UACA: variants seen among roughly 807,000 people sequenced by gnomAD.
UACA encodes the protein uveal autoantigen with coiled-coil domains and ankyrin repeats, also known as nuclear membrane binding protein.
In UACA, 112 loss-of-function variants were observed where a neutral mutation model predicts 160.5. The observed-to-expected ratio is 0.70, with a 90% CI of 0.60 to 0.82. The LOEUF is 0.82. UACA is among the 40% of genes least tolerant of loss of function. The pLI, the probability that UACA is intolerant of heterozygous loss-of-function variation, is 0.00. For synonymous variants in UACA, 557 were observed against 568.4 expected (o/e 0.98, Z 0.29); for missense variants, 1,574 against 1,614.6 (o/e 0.97, Z 0.43).
intron 1 of UACA, chr15:70,758,557 C>T (rs2030562647): frequency 6.6e-6 from 1 of 152,114 alleles, no homozygotes; most frequent in Admixed American, 6.5e-5. Context: ...ACACAAAGCC[C>T]TCATTCTCAA....
chr15:70,717,148 G>C (rs936085265), intron 1 of UACA, among the ~76,000 whole-genome samples: 4 of 150,274 alleles, frequency 2.7e-5, no homozygotes, highest in African/African-American at 9.8e-5. Context: ...TTGAACCCAG[G>C]AGGCGGAGGT....
chr15:70,729,967 A>G (rs1899273161), intron 1 of UACA, among the ~76,000 whole-genome samples: 1 of 101,186 alleles, frequency 9.9e-6, no homozygotes, highest in Admixed American at 9.6e-5. Flanking sequence ...ACCAGAAAGG[A>G]CATCTACACC....
At position 70,665,177 on chromosome 15, in the gene UACA, A is replaced by G. The variant is rs962441073; in HGVS notation, c.3961-363T>C. Among the ~76,000 whole-genome samples, 7 of 152,330 alleles carry G rather than the reference A, an allele frequency of 4.6e-5. 1 individual carries two copies. The South Asian group carries it at 6.2e-4, about 14-fold the overall frequency. On this transcript the variant is annotated intron_variant, in intron 16 of 18. Transcript: ENST00000322954. ...GAAGGGAAGGGGGATTCCCAGCAACAAAGTGTGAAAAGTAAAAGGGTGTGG... is the reference window on the plus strand; with the variant it reads ...GAAGGGAAGGGGGATTCCCAGCAACGAAGTGTGAAAAGTAAAAGGGTGTGG...
At chr15:70,744,847 A>G (rs1459119912) in intron 1 of UACA, among the ~76,000 whole-genome samples, 1 of 152,080 alleles carries the variant, frequency 6.6e-6, no homozygotes, top group South Asian at 2.1e-4. Context: ...ACTGGTATTA[A>G]CCAGTAGAAA....
intron 3 of UACA, among the ~76,000 whole-genome samples, chr15:70,694,405 A>AT (rs370190047): frequency 0.014 from 2,128 of 152,208 alleles, 46 homozygotes; most frequent in African/African-American, 0.048. Flanking sequence ...ATAAAAAATG[A>AT]TTTTTTTATA....
chr15:70,753,499 A>G (rs1319531854), intron 1 of UACA, among the ~76,000 whole-genome samples: 2 of 152,198 alleles, frequency 1.3e-5, no homozygotes, highest in African/African-American at 4.8e-5. Context: ...TCAGTTCACA[A>G]TGGTAAGGAC....
chr15:70,665,880 T>C (rs1896886185), intron 16 of UACA, among the ~76,000 whole-genome samples: 1 of 152,186 alleles, frequency 6.6e-6, no homozygotes, highest in African/African-American at 2.4e-5. Context: ...AATCATTACA[T>C]GTTGAATGGA....
chr15:70,692,309 G>A (rs79602540), intron 3 of UACA, among the ~76,000 whole-genome samples: 2,106 of 152,096 alleles, frequency 0.014, 44 homozygotes, highest in African/African-American at 0.048. Context: ...CTATAGGCTC[G>A]TGCCACCATG....
chr15:70,672,098 T>G, intron 13 of UACA, 97 bp from the exon 14 acceptor site: 1 of 1,055,628 alleles, frequency 9.5e-7, no homozygotes, highest in South Asian at 1.9e-5. Flanking sequence ...TCATTAAAAC[T>G]ACATTTTTGA....
Position 70,667,955 on chromosome 15 carries a change from T to G in UACA, c.2729A>C (p.Asn910Thr), listed in dbSNP as rs1227885264. The G allele has an allele frequency of 6.2e-7, 1 of 1,609,094 alleles. No individual in the cohort carries two copies. The highest frequency in any genetic ancestry group is 8.5e-7 in the Non-Finnish European group (1 of 1,178,140). The change falls in exon 16 of 19, where the codon AAC (asparagine) becomes ACC (threonine). Residue 910 changes from asparagine (N) to threonine (T), a missense_variant. Asn to Thr is a moderately conservative substitution (Grantham distance 65). Transcript: ENST00000322954. ...TATTTGGTTCTGAGTGTTTTCCAGGTTTCTTTTTAATATTTCATTCTTATC... is the reference window on the plus strand; with the variant it reads ...TATTTGGTTCTGAGTGTTTTCCAGGGTTCTTTTTAATATTTCATTCTTATC... ...IKDKNEILKRNLENTQNQIKA... is the reference protein window; with the variant it reads ...IKDKNEILKRTLENTQNQIKA...
the UACA span, among the ~76,000 whole-genome samples, chr15:70,776,282 A>G: frequency 2.0e-5 from 3 of 152,214 alleles, no homozygotes; most frequent in Admixed American, 1.3e-4. Context: ...TTATTTATTC[A>G]TTAAATATTT....
intron 1 of UACA, among the ~76,000 whole-genome samples, chr15:70,762,038 CA>C (rs1225277916): frequency 6.6e-6 from 1 of 152,006 alleles, no homozygotes; most frequent in Admixed American, 6.5e-5. Flanking sequence ...ACATTTCTGC[CA>C]GTTACTTTTT....
chr15:70,721,626 T>TAAA (rs67382101), intron 1 of UACA, among the ~76,000 whole-genome samples: 2 of 141,342 alleles, frequency 1.4e-5, no homozygotes, highest in Non-Finnish European at 1.6e-5. Context: ...GACTCCATCT[T>TAAA]AAAAAAAAAA....
chr15:70,769,774 A>G, the UACA span, among the ~76,000 whole-genome samples: 1 of 152,126 alleles, frequency 6.6e-6, no homozygotes, highest in East Asian at 1.9e-4. Context: ...TGTCAGGTGG[A>G]TCATATGAGA....
At chr15:70,700,318 TACACAC>T (rs34361847) in intron 1 of UACA, among the ~76,000 whole-genome samples, 1 of 139,760 alleles carries the variant, frequency 7.2e-6, no homozygotes, top group African/African-American at 2.9e-5. Context: ...TATATATATA[TACACAC>T]ACACACACAC....
intron 15 of UACA, among the ~76,000 whole-genome samples, chr15:70,670,036 G>A (rs1004749284): frequency 1.3e-5 from 2 of 152,132 alleles, no homozygotes; most frequent in Non-Finnish European, 2.9e-5. Context: ...AACCCAGCTA[G>A]TTATCAGAGT....
intron 1 of UACA, among the ~76,000 whole-genome samples, chr15:70,706,076 C>T (rs1337260050): frequency 2.0e-5 from 3 of 152,000 alleles, no homozygotes. Context: ...GATTATACAC[C>T]ATGATCAACT....
At chr15:70,680,423 G>A (rs893131490) in intron 9 of UACA, among the ~76,000 whole-genome samples, 2 of 151,816 alleles carry the variant, frequency 1.3e-5, no homozygotes, top group African/African-American at 4.8e-5. Context: ...AATTCTTCGA[G>A]ATGATTTTCT....
intron 15 of UACA, among the ~76,000 whole-genome samples, chr15:70,670,163 C>G (rs1357047371): frequency 6.6e-6 from 1 of 152,148 alleles, no homozygotes; most frequent in African/African-American, 2.4e-5. Flanking sequence ...GCTGGGTGAG[C>G]AGGCTCAAGC....
Sources: allele counts gnomAD v4.1 joint callset (sites outside exome capture counted in the v4.1 genomes callset), GRCh38; gene constraint gnomAD v4.1.1; transcripts MANE v1.5; gene names NCBI Gene and HGNC (gene_info 2026-07-23, HGNC 2026-07-21).